Variants in ADRA1D observed in about 807,000 individuals in gnomAD.
ADRA1D encodes the protein adrenoceptor alpha 1D, also known as alpha-1D adrenergic receptor.
ADRA1D carries 22 observed loss-of-function variants against 18.6 expected under a neutral mutation model. That is an observed-to-expected ratio of 1.19 (90% CI 0.85 to 1.69). ADRA1D has a LOEUF of 1.69. ADRA1D is among the 40% of genes most tolerant of loss of function. ADRA1D has a pLI of 0.00. For missense variants in ADRA1D, 840 were observed against 840.7 expected (o/e 1.00, Z 0.01); for synonymous variants, 376 against 388.2 (o/e 0.97, Z 0.37).
chr20:4,236,619 A>C lies in ADRA1D; in HGVS notation c.1111+11228T>G, dbSNP rs373384770. 2.8e-3 allele frequency among the ~76,000 whole-genome samples: 433 copies of C among 152,308 alleles called. 2 individuals are homozygous for C. The highest frequency in any genetic ancestry group is 9.9e-3 in the African/African-American group (411 of 41,566). On this transcript the variant is annotated intron_variant, in intron 1 of 1. Transcript: ENST00000379453. ...GGGGCGTGGAAGTGTGGTAGATGGAATAATGCCCCCAAGATGTCCAGACCT... is the reference window on the plus strand; with the variant it reads ...GGGGCGTGGAAGTGTGGTAGATGGACTAATGCCCCCAAGATGTCCAGACCT...
Position 4,248,712 on chromosome 20 carries a change from A to G in ADRA1D, c.246T>C (p.Asn82=). The change falls in exon 1 of 2, where the codon AAT becomes AAC. Residue 82 remains asparagine (N), a synonymous_variant. Coordinates refer to ENST00000379453, the MANE Select transcript of ADRA1D (RefSeq NM_000678.4). ...CCAGTCCCCCGACGGCCGCCGTGCC[A>G]TTCACGTCGCCGCCCGCGCCCGCGC... The part of the protein sequence containing the change: ...PGSAGAGGDV[N]GTAAVGGLVV... The G allele has an allele frequency of 6.4e-7, 1 of 1,563,550 alleles. No individual in the cohort carries two copies. The highest frequency in any genetic ancestry group is 8.7e-7 in the Non-Finnish European group (1 of 1,155,146).
At chr20:4,243,422 C>A (rs1981264407) in intron 1 of ADRA1D, among the ~76,000 whole-genome samples, 1 of 152,204 alleles carries the variant, frequency 6.6e-6, no homozygotes, top group African/African-American at 2.4e-5. Flanking sequence ...GGCACCCAGC[C>A]CGCACCAGCT....
Position 4,239,044 on chromosome 20 carries a change from A to G in ADRA1D, c.1111+8803T>C, listed in dbSNP as rs571590144. On this transcript the variant is annotated intron_variant, in intron 1 of 1. Transcript: ENST00000379453. This position sits in a 1 kb window ranked among gnomAD's most constrained non-coding sequence, Gnocchi z 4.9. ...GAGGACAGGAGCAGATGGACTCAGG[A>G]GGAAGAGCTTCACTGAGGATTCTGG... Among the ~76,000 whole-genome samples, 1 of 152,088 alleles carries G rather than the reference A, an allele frequency of 6.6e-6. No homozygotes were observed. The highest frequency in any genetic ancestry group is 2.4e-5 in the African/African-American group (1 of 41,500).
chr20:4,231,081 TCTTTTCTTTTCTTTTC>T (rs1487654856), intron 1 of ADRA1D, among the ~76,000 whole-genome samples: 7 of 68,836 alleles, frequency 1.0e-4, no homozygotes, highest in African/African-American at 4.3e-4. Flanking sequence ...TCTCTCTCTC[TCTTTTCTTTTCTTTTC>T]TTTCTTTCTT....
chr20:4,224,228 A>G (rs1404790130), intron 1 of ADRA1D, among the ~76,000 whole-genome samples: 1 of 152,194 alleles, frequency 6.6e-6, no homozygotes, highest in Non-Finnish European at 1.5e-5. Flanking sequence ...TTAAGCCTCC[A>G]TAAACACACT....
chr20:4,231,440 T>C (rs1462798015), intron 1 of ADRA1D, among the ~76,000 whole-genome samples: 1 of 152,000 alleles, frequency 6.6e-6, no homozygotes, highest in Non-Finnish European at 1.5e-5. Context: ...CTAAAAGGCA[T>C]GTTTTTGCAC....
At chr20:4,231,313 C>T (rs1273654761) in intron 1 of ADRA1D, among the ~76,000 whole-genome samples, 1 of 125,464 alleles carries the variant, frequency 8.0e-6, no homozygotes, top group South Asian at 2.8e-4. Flanking sequence ...AAGACAGGGT[C>T]TTGCTCTGTT....
In ADRA1D at chr20:4,222,516, G is replaced by A. The variant is rs1980697398; in HGVS notation, c.1112-386C>T. ...GCCAGCATAATTTCACAAAGTCCCC[G>A]ACTCTGTGACAAAGTACGGCTCTCT... is the stretch of plus-strand genomic sequence containing the variant. On this transcript the variant is annotated intron_variant, in intron 1 of 1. Coordinates refer to ENST00000379453, the MANE Select transcript of ADRA1D (RefSeq NM_000678.4). The surrounding 1 kb of genome is among the most constrained non-coding windows in gnomAD (Gnocchi z 4.3). 6.2e-6 allele frequency: 1 copy of A among 161,928 alleles called. No homozygotes were observed. Among genetic ancestry groups the A allele is most frequent in the Admixed American group, 6.2e-5 (1 of 16,064 alleles). 10.0% of individuals were successfully genotyped at this position (161,928 alleles called of 1,614,324 possible). A position where few individuals can be genotyped will look rare whatever the true frequency, so the allele number is the denominator to read the frequency against.
At position 4,222,161 on chromosome 20, in the gene ADRA1D, C is replaced by T. The variant is rs761888252; in HGVS notation, c.1112-31G>A. On this transcript the variant is annotated intron_variant, in intron 1 of 1. Transcript: ENST00000379453. This position sits in a 1 kb window ranked among gnomAD's most constrained non-coding sequence, Gnocchi z 4.3. ...GGGAGCAGAGACCGATACTATTTAG[C>T]TGCTTGGGGAGGGGGAGGCCAGGCG... is the stretch of plus-strand genomic sequence containing the variant. The T allele has an allele frequency of 3.3e-5, 53 of 1,596,856 alleles. No individual in the cohort carries two copies. Among genetic ancestry groups the T allele is most frequent in the Non-Finnish European group, 4.4e-5 (52 of 1,170,974 alleles).
At chr20:4,243,678 C>G (rs1009875532) in intron 1 of ADRA1D, among the ~76,000 whole-genome samples, 1 of 152,088 alleles carries the variant, frequency 6.6e-6, no homozygotes, top group African/African-American at 2.4e-5. Context: ...AGGGTGCCCT[C>G]CCCTCTCTCT....
At chr20:4,231,292 T>TTAC (rs1431157018) in intron 1 of ADRA1D, among the ~76,000 whole-genome samples, 1 of 149,228 alleles carries the variant, frequency 6.7e-6, no homozygotes, top group Non-Finnish European at 1.5e-5. Flanking sequence ...ATTATTATTA[T>TTAC]TATTTTTGTA....
chr20:4,249,277 G>A lies in ADRA1D; in HGVS notation c.-320C>T, dbSNP rs1374176024. ...CCGGGCGGTGCAGGCAGCGGCCACTGCGGCGCTCCCAACTCGGCGCGGGGG... is the reference window on the plus strand; with the variant it reads ...CCGGGCGGTGCAGGCAGCGGCCACTACGGCGCTCCCAACTCGGCGCGGGGG... On this transcript the variant is annotated 5_prime_UTR_variant, in exon 1 of 2. Coordinates refer to ENST00000379453, the MANE Select transcript of ADRA1D (RefSeq NM_000678.4). Among the ~76,000 whole-genome samples the A allele has an allele frequency of 6.6e-6, 1 of 152,070 alleles. No individual in the cohort carries two copies. Among genetic ancestry groups the A allele is most frequent in the Non-Finnish European group, 1.5e-5 (1 of 67,968 alleles).
At chr20:4,231,857 T>G (rs1014676014) in intron 1 of ADRA1D, among the ~76,000 whole-genome samples, 9 of 152,176 alleles carry the variant, frequency 5.9e-5, no homozygotes, top group Non-Finnish European at 1.3e-4. Context: ...CTCCCTTTGT[T>G]CTTCCTGGCA....
intron 1 of ADRA1D, among the ~76,000 whole-genome samples, chr20:4,230,869 G>C (rs974865296): frequency 5.9e-5 from 9 of 152,218 alleles, no homozygotes; most frequent in Admixed American, 2.0e-4. Context: ...GCAGCCCCAG[G>C]TCAGGTGTCT....
At chr20:4,227,704 C>CTTCCT (rs1555820747) in intron 1 of ADRA1D, among the ~76,000 whole-genome samples, 36 of 92,614 alleles carry the variant, frequency 3.9e-4, no homozygotes, top group African/African-American at 1.6e-3. Context: ...CCCTCCCTCC[C>CTTCCT]TCCTTCCTTC....
Position 4,248,365 on chromosome 20 carries a change from A to G in ADRA1D, c.593T>C (p.Val198Ala). 6.2e-7 allele frequency: 1 copy of G among 1,607,540 alleles called. No homozygotes were observed. The highest frequency in any genetic ancestry group is 1.3e-5 in the African/African-American group (1 of 74,928). Residue 198 changes from valine to alanine, a missense_variant, in exon 1 of 2, where the codon GTG becomes GCG. By Grantham distance (64) the Val-to-Ala change is moderately conservative. Transcript: ENST00000379453. The part of the protein sequence containing the change: ...CTISVDRYVG[V>A]RHSLKYPAIM... ...GGCTGGGTACTTGAGTGAGTGGCGC[A>G]CGCCCACGTACCGGTCCACGGAGAT...
chr20:4,225,094 TG>T (rs1980765098), intron 1 of ADRA1D, among the ~76,000 whole-genome samples: 1 of 149,990 alleles, frequency 6.7e-6, no homozygotes, highest in African/African-American at 2.4e-5. Flanking sequence ...CTCTTCCTCC[TG>T]GGTTCAAGCA....
At chr20:4,225,537 C>G (rs1004390898) in intron 1 of ADRA1D, among the ~76,000 whole-genome samples, 3 of 149,298 alleles carry the variant, frequency 2.0e-5, no homozygotes, top group Non-Finnish European at 3.0e-5. Context: ...AAGTGATCCC[C>G]TTGCCTCCTG....
rs781490614 is a variant in ADRA1D at position 4,239,933 on chromosome 20, C to A, written c.1111+7914G>T. Among the ~76,000 whole-genome samples, 26 of 152,278 alleles carry A rather than the reference C, an allele frequency of 1.7e-4. No individual in the cohort carries two copies. Among genetic ancestry groups the A allele is most frequent in the Non-Finnish European group, 3.7e-4 (25 of 68,028 alleles). ...TGATAGGATTAGAATATCCCCACTT[C>A]AAGCCCCAGTGATATAATGGGTCCA... On this transcript the variant is annotated intron_variant, in intron 1 of 1. Transcript: ENST00000379453. The surrounding 1 kb of genome is among the most constrained non-coding windows in gnomAD (Gnocchi z 4.9).
Sources: gnomAD v4.1 joint callset for allele counts (sites outside exome capture counted in the v4.1 genomes callset) on GRCh38, gnomAD v4.1.1 for gene constraint, Gnocchi (gnomAD v3.1) non-coding constraint, MANE v1.5 for transcripts, NCBI Gene and HGNC (gene_info 2026-07-23, HGNC 2026-07-21) for gene names.